The following GRAMD1B variants were observed in gnomAD, a reference collection of about 807,000 sequenced individuals.
GRAMD1B encodes GRAM domain containing 1B.
Under a neutral mutation model 99.7 loss-of-function variants are expected in GRAMD1B, and 37 were observed. The observed-to-expected ratio is 0.37, with a 90% CI of 0.29 to 0.49. The LOEUF is 0.49. GRAMD1B is among the 20% of genes least tolerant of loss of function. The pLI is 0.98. For synonymous variants in GRAMD1B, 427 were observed against 387.6 expected (o/e 1.10, Z -1.19); for missense variants, 888 against 1,009.2 (o/e 0.88, Z 1.63).
In GRAMD1B at chr11:123,584,790, C is replaced by G. The variant is rs112910304; in HGVS notation, c.684+458C>G. On this transcript the variant is annotated intron_variant, in intron 4 of 19. Coordinates refer to ENST00000635736, the MANE Select transcript of GRAMD1B (RefSeq NM_001387025.1). ...TGGGATTTGACCCCTGTCCCAAGTA[C>G]CCCTTCAACAGCTGCAAAAGCGTGC... Among the ~76,000 whole-genome samples, 826 of 152,272 alleles carry G rather than the reference C, an allele frequency of 5.4e-3. 10 individuals are homozygous for G. The highest frequency in any genetic ancestry group is 0.018 in the African/African-American group (756 of 41,522).
At chr11:123,519,583 C>T (rs1256818941) in intron 2 of GRAMD1B, among the ~76,000 whole-genome samples, 2 of 152,222 alleles carry the variant, frequency 1.3e-5, no homozygotes, top group African/African-American at 2.4e-5. Context: ...GATTCCCCAA[C>T]GTGTGACTGC....
chr11:123,469,143 T>C (rs1950859829), intron 1 of GRAMD1B, among the ~76,000 whole-genome samples: 2 of 150,778 alleles, frequency 1.3e-5, no homozygotes, highest in East Asian at 2.0e-4. Flanking sequence ...AGGGCTGGAG[T>C]GGAGAGCGGA....
chr11:123,486,564 A>AAAAAAAAAAAG (rs779982778), intron 2 of GRAMD1B, among the ~76,000 whole-genome samples: 1 of 147,630 alleles, frequency 6.8e-6, no homozygotes, highest in Non-Finnish European at 1.5e-5. Context: ...GAAAAAAAAA[A>AAAAAAAAAAAG]AAAAACAAAA....
Position 123,610,207 on chromosome 11 carries a change from G to A in GRAMD1B, c.1788G>A (p.Lys596=), listed in dbSNP as rs771208583. The A allele has an allele frequency of 6.2e-7, 1 of 1,613,902 alleles. No individual in the cohort carries two copies. Among genetic ancestry groups the A allele is most frequent in the Non-Finnish European group, 8.5e-7 (1 of 1,179,860 alleles). Residue 596 remains lysine, a synonymous_variant, in exon 14 of 20, where the codon AAG becomes AAA. Transcript: ENST00000635736. This position sits in a 1 kb window ranked among gnomAD's most constrained non-coding sequence, Gnocchi z 4.1. ...ATVRETQTMY[K]ASQESECYVI... ...TTTCCTGCCCGCAGACCATGTACAA[G>A]GCGAGCCAGGAGAGTGAATGTTACG...
At chr11:123,540,350 G>T (rs2135691491) in intron 2 of GRAMD1B, among the ~76,000 whole-genome samples, 1 of 152,266 alleles carries the variant, frequency 6.6e-6, no homozygotes, top group Admixed American at 6.5e-5. Context: ...AAACAGTTGG[G>T]ATTACAAGCA....
chr11:123,574,256 A>G (rs567768869), intron 2 of GRAMD1B, among the ~76,000 whole-genome samples: 2 of 152,318 alleles, frequency 1.3e-5, no homozygotes, highest in Non-Finnish European at 2.9e-5. Context: ...TTAAGAGCAT[A>G]TAAGGAGAGA....
chr11:123,614,032 A>T (rs745037), intron 16 of GRAMD1B, among the ~76,000 whole-genome samples: 50,840 of 151,914 alleles, frequency 0.33, 9,841 homozygotes, highest in South Asian at 0.5. Flanking sequence ...GATCAGGGAG[A>T]CCAAGACAGT....
At chr11:123,428,748 A>G (rs73023793), upstream of GRAMD1B, among the ~76,000 whole-genome samples, 30 of 152,262 alleles carry the variant, frequency 2.0e-4, no homozygotes, top group Non-Finnish European at 3.2e-4. Flanking sequence ...CAGCTTCGGG[A>G]CACTTGTGAA....
intron 2 of GRAMD1B, among the ~76,000 whole-genome samples, chr11:123,525,265 C>T (rs139512585): frequency 8.6e-4 from 131 of 152,332 alleles, no homozygotes; most frequent in Middle Eastern, 3.4e-3. Context: ...AGCACACTGC[C>T]TGGGAGCACG....
At chr11:123,575,383 A>C (rs1315080090) in intron 2 of GRAMD1B, among the ~76,000 whole-genome samples, 5 of 151,980 alleles carry the variant, frequency 3.3e-5, no homozygotes, top group Admixed American at 1.3e-4. Context: ...GGATCTCATC[A>C]TGTTGCCCGG....
chr11:123,532,313 G>A (rs1393104032), intron 2 of GRAMD1B, among the ~76,000 whole-genome samples: 1 of 152,176 alleles, frequency 6.6e-6, no homozygotes, highest in Non-Finnish European at 1.5e-5. Flanking sequence ...AGGAAGGCGT[G>A]GCTCTTAATG....
intron 2 of GRAMD1B, among the ~76,000 whole-genome samples, chr11:123,514,348 C>T (rs983852426): frequency 6.6e-6 from 1 of 152,070 alleles, no homozygotes. Flanking sequence ...AAATGCTGAC[C>T]CTGTTGCTTT....
chr11:123,581,761 G>A (rs1949378372), intron 3 of GRAMD1B, among the ~76,000 whole-genome samples: 1 of 152,228 alleles, frequency 6.6e-6, no homozygotes, highest in South Asian at 2.1e-4. Flanking sequence ...AGATATAAGA[G>A]CATCACAGAT....
At position 123,431,123 on chromosome 11, in the gene GRAMD1B, A is replaced by C; in HGVS notation, c.331A>C (p.Lys111Gln). The change falls in exon 1 of 20, where the codon AAG becomes CAG. Residue 111 changes from lysine to glutamine, a missense_variant. This residue lies in a region of GRAMD1B where 233 missense variants were observed against 154.6 expected (regional missense o/e 1.51). Coordinates refer to ENST00000635736, the MANE Select transcript of GRAMD1B (RefSeq NM_001387025.1). The part of the protein sequence containing the change: ...SPRRKRFLLR[K>Q]WLRVRERKEC... ...GCGCCGAAAACGCTTCCTCCTCCGC[A>C]AGTGGCTGAGGGTGAGGGAGCGGAA... 1 of 703,004 alleles carries C rather than the reference A, an allele frequency of 1.4e-6. No homozygotes were observed. The highest frequency in any genetic ancestry group is 2.7e-5 in the East Asian group (1 of 37,268). 43.5% of individuals were successfully genotyped at this position (703,004 alleles called of 1,614,324 possible). A position where few individuals can be genotyped will look rare whatever the true frequency, so the allele number is the denominator to read the frequency against.
intron 2 of GRAMD1B, among the ~76,000 whole-genome samples, chr11:123,531,179 T>C (rs1943331765): frequency 6.6e-6 from 1 of 152,186 alleles, no homozygotes; most frequent in Non-Finnish European, 1.5e-5. Flanking sequence ...ACTTTATTAT[T>C]CTGTGGGATG....
chr11:123,415,984 T>C (rs985572366), intron 1 of GRAMD1B, among the ~76,000 whole-genome samples: 5 of 152,232 alleles, frequency 3.3e-5, no homozygotes, highest in Non-Finnish European at 5.9e-5. Flanking sequence ...AGTTTTTGTC[T>C]ATTGCATCAG....
At chr11:123,612,327 A>C (rs1006639966) in intron 14 of GRAMD1B, among the ~76,000 whole-genome samples, 1 of 152,202 alleles carries the variant, frequency 6.6e-6, no homozygotes, top group Non-Finnish European at 1.5e-5. Flanking sequence ...TTAGACTTAA[A>C]AGTCTCTGGA....
chr11:123,515,575 T>C (rs181221282), intron 2 of GRAMD1B, among the ~76,000 whole-genome samples: 7 of 152,266 alleles, frequency 4.6e-5, no homozygotes, highest in South Asian at 2.1e-4. Flanking sequence ...GCCTTCTTCA[T>C]AGGGGAGTCT....
intron 2 of GRAMD1B, among the ~76,000 whole-genome samples, chr11:123,563,948 C>G (rs17533819): frequency 0.023 from 3,517 of 152,260 alleles, 49 homozygotes; most frequent in South Asian, 0.037. Context: ...AAATTTCTGA[C>G]TTTAACATGT....
Sources: gnomAD v4.1 joint callset for allele counts (sites outside exome capture counted in the v4.1 genomes callset) on GRCh38, gnomAD v4.1.1 for gene constraint, gnomAD v4.1.1 regional missense constraint, Gnocchi (gnomAD v3.1) non-coding constraint, MANE v1.5 for transcripts, NCBI Gene and HGNC (gene_info 2026-07-23, HGNC 2026-07-21) for gene names.